Variants in RIMBP2 observed in about 807,000 individuals in gnomAD.
RIMBP2 encodes RIMS-binding protein 2.
In RIMBP2, 48 loss-of-function variants were observed where a neutral mutation model predicts 118.6. That is an observed-to-expected ratio of 0.40 (90% CI 0.32 to 0.51). The LOEUF (loss-of-function observed/expected upper bound fraction) is 0.51, where lower values mean the gene tolerates loss of function less well. Ranked by LOEUF, RIMBP2 falls within the 20% of genes least tolerant of loss-of-function variation. The pLI is 0.41. For synonymous variants in RIMBP2, 762 were observed against 742.9 expected, an observed-to-expected ratio of 1.03 and a Z score of -0.42; for missense variants, 1,551 against 1,768.3, an observed-to-expected ratio of 0.88 and a Z score of 2.20.
Position 130,447,692 on chromosome 12 carries a change from C to T in RIMBP2, c.582-2423G>A, listed in dbSNP as rs2078652419. Among the ~76,000 whole-genome samples the T allele has an allele frequency of 6.6e-6, 1 of 152,146 alleles. No homozygotes were observed. The highest frequency in any genetic ancestry group is 2.1e-4 in the South Asian group (1 of 4,824). ...CAGTGAGGACCATCTCTCCGTACAG[C>T]TGGCGAAAGGAAGGATGGTGATGAA... is the stretch of plus-strand genomic sequence containing the variant. On this transcript the variant is annotated intron_variant, in intron 9 of 22. Transcript: ENST00000690449. The surrounding 1 kb of genome is among the most constrained non-coding windows in gnomAD (Gnocchi z 4.4).
intron 1 of RIMBP2, among the ~76,000 whole-genome samples, chr12:130,655,150 G>T (rs1033723978): frequency 6.6e-6 from 1 of 152,216 alleles, no homozygotes; most frequent in African/African-American, 2.4e-5. Context: ...TCTACAGGGA[G>T]AGAATGGGGT....
intron 4 of RIMBP2, among the ~76,000 whole-genome samples, chr12:130,490,529 T>G (rs1348356954): frequency 6.6e-6 from 1 of 152,096 alleles, no homozygotes; most frequent in African/African-American, 2.4e-5. Flanking sequence ...AGCAGAAGTA[T>G]AAATCGGGGT....
In RIMBP2 at chr12:130,421,691, ATGTG is replaced by A. The variant is rs35161782; in HGVS notation, c.3238+758_3238+761del. The stretch of plus-strand genomic sequence containing the variant: ...TATCAAGAGTTCTCCCTGCATTTAT[ATGTG>A]TGTGTGTGTGTGTGTGTGTGTGTGT... On this transcript the variant is annotated intron_variant, in intron 17 of 22. Transcript: ENST00000690449. Among the ~76,000 whole-genome samples the A allele has an allele frequency of 5.7e-3, 839 of 147,092 alleles. 2 individuals are homozygous for A. The highest frequency in any genetic ancestry group is 9.3e-3 in the South Asian group (42 of 4,536).
At position 130,688,536 on chromosome 12, in the gene RIMBP2, C is replaced by T. The variant is rs1388730197; in HGVS notation, c.-352+27686G>A. ...ACCAAGAGCTCCCCCAAGCATGAGT[C>T]GTCTTCACCCCTCCATCCGTTACCC... is the stretch of plus-strand genomic sequence containing the variant. On this transcript the variant is annotated intron_variant, in intron 1 of 22. Coordinates refer to ENST00000690449, the MANE Select transcript of RIMBP2 (RefSeq NM_001393629.1). This position sits in a 1 kb window ranked among gnomAD's most constrained non-coding sequence, Gnocchi z 4.7. Among the ~76,000 whole-genome samples the T allele has an allele frequency of 6.6e-6, 1 of 152,052 alleles. No individual in the cohort carries two copies. The highest frequency in any genetic ancestry group is 2.4e-5 in the African/African-American group (1 of 41,384).
At chr12:130,615,854 G>A (rs1256285949) in intron 2 of RIMBP2, among the ~76,000 whole-genome samples, 1 of 152,138 alleles carries the variant, frequency 6.6e-6, no homozygotes, top group African/African-American at 2.4e-5. Flanking sequence ...GGTTGGCACC[G>A]GTTTCAAACG....
At position 130,396,312 on chromosome 12, in the gene RIMBP2, A is replaced by G. The variant is rs79146878; in HGVS notation, c.*1049T>C. Reference sequence around the variant, plus strand: ...CACAATGGGGAAAGCTTTGTCATTCATTTATAAACCGTCCATAAATTACAA... The same window carrying G: ...CACAATGGGGAAAGCTTTGTCATTCGTTTATAAACCGTCCATAAATTACAA... On this transcript the variant is annotated 3_prime_UTR_variant, in exon 23 of 23. Coordinates refer to ENST00000690449, the MANE Select transcript of RIMBP2 (RefSeq NM_001393629.1). 1.2e-3 allele frequency: 181 copies of G among 152,790 alleles called. No individual in the cohort carries two copies. The East Asian group carries it at 0.028, about 24-fold the overall frequency. The allele number at this position is 152,790 out of a possible 1,614,324, so 9.5% of individuals were successfully genotyped here.
intron 2 of RIMBP2, among the ~76,000 whole-genome samples, chr12:130,531,234 A>G (rs1414184522): frequency 6.6e-6 from 1 of 152,210 alleles, no homozygotes; most frequent in Non-Finnish European, 1.5e-5. Context: ...ATAGGTGTAC[A>G]ACTCCATTAA....
At chr12:130,522,611 G>A (rs1183263542) in intron 2 of RIMBP2, among the ~76,000 whole-genome samples, 2 of 152,202 alleles carry the variant, frequency 1.3e-5, no homozygotes, top group African/African-American at 2.4e-5. Context: ...AAGGCGGGGC[G>A]CTGCGTAAAA....
In RIMBP2 at chr12:130,525,455, G is replaced by A. The variant is rs565755038; in HGVS notation, c.-216-7538C>T. On this transcript the variant is annotated intron_variant, in intron 2 of 22. Coordinates refer to ENST00000690449, the MANE Select transcript of RIMBP2 (RefSeq NM_001393629.1). The surrounding 1 kb of genome is among the most constrained non-coding windows in gnomAD (Gnocchi z 4.4). ...CAAGGTCATGCTTAGAGCCTCCTAG[G>A]GGCATGGATGACTAAGGAAGGTAGA... 2.0e-5 allele frequency among the ~76,000 whole-genome samples: 3 copies of A among 152,272 alleles called. No homozygotes were observed. The highest frequency in any genetic ancestry group is 6.5e-5 in the Admixed American group (1 of 15,300).
At chr12:130,501,071 CCT>C (rs1387772307) in intron 4 of RIMBP2, among the ~76,000 whole-genome samples, 1 of 152,168 alleles carries the variant, frequency 6.6e-6, no homozygotes, top group Middle Eastern at 3.2e-3. Flanking sequence ...CCCAGGCTTC[CCT>C]GTCACAGCAG....
intron 4 of RIMBP2, among the ~76,000 whole-genome samples, chr12:130,491,880 G>T (rs1265149286): frequency 1.3e-5 from 2 of 152,232 alleles, no homozygotes; most frequent in Non-Finnish European, 2.9e-5. Context: ...GATATTTATA[G>T]CTGACTGTCG....
Position 130,571,337 on chromosome 12 carries a change from G to A in RIMBP2, c.-216-53420C>T, listed in dbSNP as rs113208633. On this transcript the variant is annotated intron_variant, in intron 2 of 22. Coordinates refer to ENST00000690449, the MANE Select transcript of RIMBP2 (RefSeq NM_001393629.1). ...GAACTGCAACTCCCTGACACTAGATGTTTAGTGGTTTTTGACCACGTGTTC... is the reference window on the plus strand; with the variant it reads ...GAACTGCAACTCCCTGACACTAGATATTTAGTGGTTTTTGACCACGTGTTC... Among the ~76,000 whole-genome samples, 551 of 151,724 alleles carry A rather than the reference G, an allele frequency of 3.6e-3. 4 individuals are homozygous for A. Among genetic ancestry groups the A allele is most frequent in the African/African-American group, 0.013 (517 of 41,352 alleles).
chr12:130,536,827 C>T (rs985459567), intron 2 of RIMBP2, among the ~76,000 whole-genome samples: 10 of 152,134 alleles, frequency 6.6e-5, no homozygotes, highest in African/African-American at 9.7e-5. Flanking sequence ...ACCAGGTGAC[C>T]GTGGTTGACA....
At chr12:130,443,823 G>T in intron 10 of RIMBP2, among the ~76,000 whole-genome samples, 1 of 152,180 alleles carries the variant, frequency 6.6e-6, no homozygotes, top group East Asian at 1.9e-4. Flanking sequence ...TATAATGCTG[G>T]TGGTGATGGT....
At chr12:130,484,860 T>C (rs2082347588) in intron 4 of RIMBP2, among the ~76,000 whole-genome samples, 1 of 152,218 alleles carries the variant, frequency 6.6e-6, no homozygotes, top group African/African-American at 2.4e-5. Context: ...GGTCTTAGAG[T>C]AGTTACTTAA....
intron 2 of RIMBP2, among the ~76,000 whole-genome samples, chr12:130,540,598 G>A (rs2054517987): frequency 2.0e-5 from 3 of 152,212 alleles, no homozygotes; most frequent in South Asian, 4.2e-4. Context: ...ACCTTCGCCC[G>A]TCATGACTGC....
At chr12:130,531,657 G>A (rs2053386505) in intron 2 of RIMBP2, among the ~76,000 whole-genome samples, 1 of 152,214 alleles carries the variant, frequency 6.6e-6, no homozygotes, top group African/African-American at 2.4e-5. Context: ...GGAGGCACAT[G>A]TACATGTTTC....
rs548313071 is a variant in RIMBP2 at position 130,648,357 on chromosome 12, C to A, written c.-351-19901G>T. On this transcript the variant is annotated intron_variant, in intron 1 of 22. Coordinates refer to ENST00000690449, the MANE Select transcript of RIMBP2 (RefSeq NM_001393629.1). ...ATTTAAAGGATCATAATGGACAGGA[C>A]TGAATCATCTTATCTTTTAGAATTA... is the stretch of plus-strand genomic sequence containing the variant. 2.8e-5 allele frequency among the ~76,000 whole-genome samples: 4 copies of A among 145,318 alleles called. No individual in the cohort carries two copies. The Admixed American group carries it at 2.8e-4, about 10-fold the overall frequency.
intron 1 of RIMBP2, among the ~76,000 whole-genome samples, chr12:130,676,509 G>C (rs1438128036): frequency 2.0e-5 from 3 of 151,896 alleles, no homozygotes; most frequent in African/African-American, 7.3e-5. Context: ...TGTAGTCCCA[G>C]CTACTCAGGA....
Sources: gnomAD v4.1 joint callset for allele counts (sites outside exome capture counted in the v4.1 genomes callset) on GRCh38, gnomAD v4.1.1 for gene constraint, Gnocchi (gnomAD v3.1) non-coding constraint, MANE v1.5 for transcripts, NCBI Gene and HGNC (gene_info 2026-07-23, HGNC 2026-07-21) for gene names.